The following SYMPK variants were observed in gnomAD, a reference collection of about 807,000 sequenced individuals.
SYMPK encodes symplekin scaffold protein, also known as symplekin.
A neutral mutation model predicts 136.4 loss-of-function variants in SYMPK; 49 were observed. The observed-to-expected ratio is 0.36, with a 90% CI of 0.29 to 0.46. SYMPK has a LOEUF of 0.46. Among genes scored for constraint, SYMPK ranks in the 20% least tolerant of loss-of-function variants. The probability of loss-of-function intolerance (pLI) is 1.00; values close to 1 mark genes in which losing one functional copy is unlikely to be tolerated. For synonymous variants in SYMPK, 766 were observed against 713.0 expected (o/e 1.07, Z -1.19); for missense variants, 1,365 against 1,690.0 (o/e 0.81, Z 3.37).
chr19:45,842,560 C>G, intron 8 of SYMPK, 71 bp from the exon 9 acceptor site: 2 of 1,573,280 alleles, frequency 1.3e-6, no homozygotes, highest in East Asian at 2.3e-5. Flanking sequence ...TAATTCTCAA[C>G]CCCAAACTTG....
chr19:45,821,560 G>A lies in SYMPK; in HGVS notation c.2792-75C>T. On this transcript the variant is annotated intron_variant, in intron 21 of 26. Coordinates refer to ENST00000245934, the MANE Select transcript of SYMPK (RefSeq NM_004819.3). The surrounding 1 kb of genome is among the most constrained non-coding windows in gnomAD (Gnocchi z 4.4). ...TGAAGAGATGGGTCTGAGTTCCCCAGATCGGGGGAGCTGCGAGCAAAGATG... is the reference window on the plus strand; with the variant it reads ...TGAAGAGATGGGTCTGAGTTCCCCAAATCGGGGGAGCTGCGAGCAAAGATG... 7.1e-6 allele frequency: 7 copies of A among 984,436 alleles called. No individual in the cohort carries two copies. The highest frequency in any genetic ancestry group is 6.3e-6 in the Non-Finnish European group (4 of 638,166). 61.0% of individuals were successfully genotyped at this position (984,436 alleles called of 1,614,324 possible).
intron 20 of SYMPK, among the ~76,000 whole-genome samples, chr19:45,823,095 C>G (rs543125123): frequency 6.6e-6 from 1 of 152,150 alleles, no homozygotes; most frequent in South Asian, 2.1e-4. Flanking sequence ...AGGAGAAAAG[C>G]GAGTCTCAAA....
intron 20 of SYMPK, among the ~76,000 whole-genome samples, 194 bp from the exon 21 acceptor site, chr19:45,823,040 C>T (rs574206857): frequency 6.6e-6 from 1 of 152,332 alleles, no homozygotes; most frequent in South Asian, 2.1e-4. Flanking sequence ...CCCTGCATGT[C>T]ACATGTGTGT....
At chr19:45,857,911 T>C (rs193116335) in intron 1 of SYMPK, among the ~76,000 whole-genome samples, 3 of 151,872 alleles carry the variant, frequency 2.0e-5, no homozygotes, top group Admixed American at 1.3e-4. Context: ...GCAATTCTCC[T>C]GCCTCATCTC....
intron 3 of SYMPK, among the ~76,000 whole-genome samples, chr19:45,853,002 C>G (rs982465173): frequency 6.6e-6 from 1 of 152,212 alleles, no homozygotes; most frequent in East Asian, 1.9e-4. Context: ...TCCTGAAGCC[C>G]TTGTGCCTGC....
intron 3 of SYMPK, 101 bp downstream of exon 3, chr19:45,854,074 G>A: frequency 1.8e-6 from 2 of 1,114,148 alleles, no homozygotes; most frequent in Non-Finnish European, 2.7e-6. Flanking sequence ...CACACACTGA[G>A]TGTGTAAATG....
At chr19:45,843,246 T>C (rs1971484178) in intron 8 of SYMPK, among the ~76,000 whole-genome samples, 1 of 152,086 alleles carries the variant, frequency 6.6e-6, no homozygotes, top group Admixed American at 6.6e-5. Flanking sequence ...CCATCTTTGC[T>C]ACCCTAAGGA....
rs779185776 is a variant in SYMPK, at chr19:45,821,335, C to G, written c.2893+49G>C. On this transcript the variant is annotated intron_variant, in intron 22 of 26. Coordinates refer to ENST00000245934, the MANE Select transcript of SYMPK (RefSeq NM_004819.3). The surrounding 1 kb of genome is among the most constrained non-coding windows in gnomAD (Gnocchi z 4.4). ...GGCATGTGGGTGACTGAGGTCCTGCCCTGGCGTCGCAGGGGCCAGGCCACT... is the reference window on the plus strand; with the variant it reads ...GGCATGTGGGTGACTGAGGTCCTGCGCTGGCGTCGCAGGGGCCAGGCCACT... 2 of 1,424,594 alleles carry G rather than the reference C, an allele frequency of 1.4e-6. No homozygotes were observed. The highest frequency in any genetic ancestry group is 4.5e-5 in the East Asian group (2 of 43,974). The allele number at this position is 1,424,594 out of a possible 1,614,324, so 88.2% of individuals were successfully genotyped here. A position where few individuals can be genotyped will look rare whatever the true frequency, so the allele number is the denominator to read the frequency against.
rs1485074997 is a variant in SYMPK, at chr19:45,835,092, G to C, written c.1379C>G (p.Ala460Gly). The C allele has an allele frequency of 6.2e-7, 1 of 1,605,124 alleles. No homozygotes were observed. The highest frequency in any genetic ancestry group is 8.5e-7 in the Non-Finnish European group (1 of 1,175,294). The change falls in exon 11 of 27, where the codon GCC (alanine) becomes GGC (glycine). Residue 460 changes from alanine (A) to glycine (G), a missense_variant. Transcript: ENST00000245934. ...ARLMATQMTA[A>G]GLGPGVEQTK... ...GACACACTCACCTGGTCCCAGTCCG[G>C]CAGCTGTCATCTGTGTGGCCATGAG...
chr19:45,834,868 T>G (rs188269830), intron 11 of SYMPK, among the ~76,000 whole-genome samples: 1 of 152,340 alleles, frequency 6.6e-6, no homozygotes, highest in Non-Finnish European at 1.5e-5. Flanking sequence ...TGAGATCTGA[T>G]TCAACTCAAA....
chr19:45,839,421 G>C (rs1038257478), intron 9 of SYMPK, among the ~76,000 whole-genome samples: 2 of 152,176 alleles, frequency 1.3e-5, no homozygotes, highest in African/African-American at 4.8e-5. Context: ...ACAAATTCCT[G>C]ATAGTAAGTG....
intron 7 of SYMPK, among the ~76,000 whole-genome samples, chr19:45,844,774 T>A (rs2146332564): frequency 6.6e-6 from 1 of 152,298 alleles, no homozygotes; most frequent in African/African-American, 2.4e-5. Flanking sequence ...CAAAGTCCCT[T>A]GTGACACCAC....
chr19:45,828,145 C>T (rs1971089672), intron 14 of SYMPK: 1 of 512,612 alleles, frequency 2.0e-6, no homozygotes, highest in Non-Finnish European at 3.5e-6. Context: ...TTCCGTTTGT[C>T]AAACAGGGAT....
chr19:45,857,433 A>AAC (rs1568628287), intron 1 of SYMPK, among the ~76,000 whole-genome samples: 18 of 150,036 alleles, frequency 1.2e-4, no homozygotes, highest in African/African-American at 3.2e-4. Context: ...AAAAAAAAAA[A>AAC]ACACACACTA....
intron 1 of SYMPK, among the ~76,000 whole-genome samples, chr19:45,858,874 A>G (rs1971894726): frequency 6.6e-6 from 1 of 152,034 alleles, no homozygotes; most frequent in African/African-American, 2.4e-5. Flanking sequence ...CTTTTTCTCC[A>G]TAGCATTTAT....
chr19:45,854,021 G>A (rs918995266), intron 3 of SYMPK, among the ~76,000 whole-genome samples, 154 bp downstream of exon 3: 3 of 152,198 alleles, frequency 2.0e-5, no homozygotes, highest in African/African-American at 4.8e-5. Flanking sequence ...GAGCTTTCAT[G>A]AGAACTAGAA....
intron 11 of SYMPK, among the ~76,000 whole-genome samples, chr19:45,834,877 A>G (rs1030007894): frequency 1.3e-4 from 20 of 152,246 alleles, no homozygotes; most frequent in African/African-American, 4.8e-4. Flanking sequence ...ATTCAACTCA[A>G]ACTTCAAACC....
intron 9 of SYMPK, among the ~76,000 whole-genome samples, chr19:45,840,201 G>A (rs1971401312): frequency 6.6e-6 from 1 of 150,940 alleles, no homozygotes; most frequent in Non-Finnish European, 1.5e-5. Context: ...AGTAGCCCCA[G>A]CTACTCGGGA....
chr19:45,834,995 C>T (rs371125109), intron 11 of SYMPK, 83 bp downstream of exon 11: 26 of 1,319,762 alleles, frequency 2.0e-5, no homozygotes, highest in East Asian at 4.8e-5. Flanking sequence ...AACTGCACCA[C>T]GAGAAGTTGC....
Sources: gnomAD v4.1 joint callset for allele counts (sites outside exome capture counted in the v4.1 genomes callset) on GRCh38, gnomAD v4.1.1 for gene constraint, Gnocchi (gnomAD v3.1) non-coding constraint, MANE v1.5 for transcripts, NCBI Gene and HGNC (gene_info 2026-07-23, HGNC 2026-07-21) for gene names.